Variants in SCUBE1 observed in about 807,000 individuals in gnomAD.
SCUBE1 encodes the protein signal peptide, CUB domain and EGF like domain containing 1, also known as signal peptide, CUB and EGF-like domain-containing protein 1.
SCUBE1 carries 59 observed loss-of-function variants against 124.4 expected under a neutral mutation model. The observed-to-expected ratio is 0.47, with a 90% CI of 0.38 to 0.59. The LOEUF (loss-of-function observed/expected upper bound fraction) is 0.59, where lower values mean the gene tolerates loss of function less well. SCUBE1 is among the 20% of genes least tolerant of loss of function. SCUBE1 has a pLI of 0.00. For missense variants in SCUBE1, 1,150 were observed against 1,371.2 expected, an observed-to-expected ratio of 0.84 and a Z score of 2.55; for synonymous variants, 545 against 550.9, an observed-to-expected ratio of 0.99 and a Z score of 0.15.
At chr22:43,331,674 T>C (rs1212671858) in intron 2 of SCUBE1, among the ~76,000 whole-genome samples, 2 of 152,186 alleles carry the variant, frequency 1.3e-5, no homozygotes, top group African/African-American at 4.8e-5. Context: ...CCCTCGCAAA[T>C]GTCTATGAAA....
chr22:43,291,009 G>T (rs769042618), intron 4 of SCUBE1, 37 bp downstream of exon 4: 54 of 1,540,518 alleles, frequency 3.5e-5, no homozygotes, highest in African/African-American at 2.0e-4. Context: ...GCCCATCCTG[G>T]GGGGGGACAT....
intron 8 of SCUBE1, among the ~76,000 whole-genome samples, 192 bp downstream of exon 8, chr22:43,231,561 G>A (rs1374174786): frequency 1.3e-5 from 2 of 152,156 alleles, no homozygotes; most frequent in Non-Finnish European, 2.9e-5. Context: ...AAGCCCTCTC[G>A]AGCCTCAGTG....
intron 3 of SCUBE1, among the ~76,000 whole-genome samples, chr22:43,298,529 C>T (rs918709245): frequency 1.3e-5 from 2 of 152,238 alleles, no homozygotes; most frequent in Non-Finnish European, 2.9e-5. Flanking sequence ...GTGGTGAAGC[C>T]TGCTGGCCGC....
intron 2 of SCUBE1, among the ~76,000 whole-genome samples, chr22:43,334,237 C>T (rs1416667862): frequency 6.6e-6 from 1 of 152,160 alleles, no homozygotes; most frequent in Admixed American, 6.5e-5. Context: ...TTGCCATCCC[C>T]GAAGTAGGCT....
chr22:43,340,408 G>A (rs1232506267), intron 1 of SCUBE1, among the ~76,000 whole-genome samples: 3 of 151,756 alleles, frequency 2.0e-5, no homozygotes, highest in African/African-American at 7.3e-5. Flanking sequence ...ACAGCTGTTG[G>A]GGCAAATTGT....
At chr22:43,291,868 G>A (rs1173569969) in intron 3 of SCUBE1, among the ~76,000 whole-genome samples, 1 of 152,174 alleles carries the variant, frequency 6.6e-6, no homozygotes, top group East Asian at 1.9e-4. Context: ...TTATAGATGA[G>A]GAAACTTAGG....
intron 3 of SCUBE1, chr22:43,318,160 A>G (rs1017754773): frequency 6.6e-6 from 1 of 152,218 alleles, no homozygotes; most frequent in African/African-American, 2.4e-5. Context: ...ACAGGTTATT[A>G]GTAATTTGTC....
At chr22:43,254,941 G>C (rs944826031) in intron 6 of SCUBE1, among the ~76,000 whole-genome samples, 3 of 152,236 alleles carry the variant, frequency 2.0e-5, no homozygotes, top group Non-Finnish European at 4.4e-5. Context: ...AGCAGCCTCT[G>C]AGAAGTAGGT....
At chr22:43,314,154 T>A (rs1337089899) in intron 3 of SCUBE1, among the ~76,000 whole-genome samples, 1 of 152,062 alleles carries the variant, frequency 6.6e-6, no homozygotes, top group Non-Finnish European at 1.5e-5. Context: ...TTCCAACAAC[T>A]CAGTGGGCCA....
chr22:43,280,721 TCCTGTCACCTTCCTCCTC>T (rs1924769325), intron 4 of SCUBE1, among the ~76,000 whole-genome samples: 6 of 63,184 alleles, frequency 9.5e-5, no homozygotes, highest in African/African-American at 3.0e-4. Context: ...TCGGCCACCC[TCCTGTCACCTTCCTCCTC>T]GGCCACCCTC....
intron 4 of SCUBE1, among the ~76,000 whole-genome samples, chr22:43,288,479 C>T (rs909638066): frequency 1.3e-5 from 2 of 152,208 alleles, no homozygotes; most frequent in African/African-American, 2.4e-5. Flanking sequence ...GTCCAGCCCC[C>T]ACCTCCCCGC....
At chr22:43,207,938 A>G (rs780248914) in intron 20 of SCUBE1, 134 bp downstream of exon 20, 3 of 1,020,488 alleles carry the variant, frequency 2.9e-6, no homozygotes, top group African/African-American at 1.6e-5. Context: ...GGCCCCTGAC[A>G]GTGTTCGTTC....
Position 43,234,827 on chromosome 22 carries a change from C to A in SCUBE1, c.845-2952G>T, listed in dbSNP as rs775452516. On this transcript the variant is annotated intron_variant, in intron 7 of 21. Transcript: ENST00000360835. This position sits in a 1 kb window ranked among gnomAD's most constrained non-coding sequence, Gnocchi z 4.4. ...TGGGCCCTCCCTCTGCAGAGGCTCCCAGAGCTTCCCTTCCAGCCCGGCCAG... is the reference window on the plus strand; with the variant it reads ...TGGGCCCTCCCTCTGCAGAGGCTCCAAGAGCTTCCCTTCCAGCCCGGCCAG... Among the ~76,000 whole-genome samples the A allele has an allele frequency of 1.8e-4, 28 of 152,126 alleles. No individual in the cohort carries two copies. The highest frequency in any genetic ancestry group is 9.2e-4 in the Admixed American group (14 of 15,278).
chr22:43,300,272 C>T (rs1457458378), intron 3 of SCUBE1, among the ~76,000 whole-genome samples: 5 of 150,052 alleles, frequency 3.3e-5, no homozygotes, highest in East Asian at 1.9e-4. Flanking sequence ...TCCATATCCT[C>T]GCCAACACTT....
At chr22:43,275,548 T>C (rs545370002) in intron 4 of SCUBE1, among the ~76,000 whole-genome samples, 1 of 152,104 alleles carries the variant, frequency 6.6e-6, no homozygotes, top group Non-Finnish European at 1.5e-5. Context: ...GGTCCTGCAG[T>C]AGAGGGCTGA....
intron 14 of SCUBE1, among the ~76,000 whole-genome samples, chr22:43,219,576 C>T (rs756643415): frequency 3.3e-5 from 5 of 151,872 alleles, no homozygotes; most frequent in African/African-American, 1.2e-4. Flanking sequence ...CAGGTTCAAG[C>T]GATTCTCCTG....
chr22:43,301,436 C>T (rs1925768387), intron 3 of SCUBE1, among the ~76,000 whole-genome samples: 1 of 152,210 alleles, frequency 6.6e-6, no homozygotes, highest in African/African-American at 2.4e-5. Flanking sequence ...GCTGCTGTGT[C>T]CTGCTCTCCC....
At chr22:43,318,584 G>C (rs1389283207) in intron 3 of SCUBE1, among the ~76,000 whole-genome samples, 2 of 152,180 alleles carry the variant, frequency 1.3e-5, no homozygotes, top group African/African-American at 4.8e-5. Flanking sequence ...CTGACTATCT[G>C]ATCACCACTA....
Position 43,199,082 on chromosome 22 carries a change from T to TGTGTGTCTGTCTGCTGTCTGGGGCA in SCUBE1, c.*4914_*4915insTGCCCCAGACAGCAGACAGACACAC, listed in dbSNP as rs1402144169. ...TGTCTGTCTGCTGTCCGGGGCAGTT[T>TGTGTGTCTGTCTGCTGTCTGGGGCA]GTTTGTCTGTCTGCTGTCTGGGGCA... On this transcript the variant is annotated 3_prime_UTR_variant, in exon 22 of 22. Transcript: ENST00000360835. 3.1e-6 allele frequency: 1 copy of TGTGTGTCTGTCTGCTGTCTGGGGCA among 325,354 alleles called. No homozygotes were observed. Among genetic ancestry groups the TGTGTGTCTGTCTGCTGTCTGGGGCA allele is most frequent in the East Asian group, 7.9e-5 (1 of 12,634 alleles). The allele number at this position is 325,354 out of a possible 1,614,324, so 20.2% of individuals were successfully genotyped here. A position where few individuals can be genotyped will look rare whatever the true frequency, so the allele number is the denominator to read the frequency against.
Sources: allele counts gnomAD v4.1 joint callset (sites outside exome capture counted in the v4.1 genomes callset), GRCh38; gene constraint gnomAD v4.1.1; non-coding constraint Gnocchi (gnomAD v3.1); transcripts MANE v1.5; gene names NCBI Gene and HGNC (gene_info 2026-07-23, HGNC 2026-07-21).